The following TMEM237 variants were observed in gnomAD, a reference collection of about 807,000 sequenced individuals.
TMEM237 encodes transmembrane protein 237.
TMEM237 carries 51 observed loss-of-function variants against 59.1 expected under a neutral mutation model. The ratio of observed to expected loss-of-function variants is 0.86; its 90% CI spans 0.69 to 1.09. The LOEUF (loss-of-function observed/expected upper bound fraction) is 1.09, where lower values mean the gene tolerates loss of function less well. TMEM237 is among the 50% of genes least tolerant of loss of function. The pLI, the probability that TMEM237 is intolerant of heterozygous loss-of-function variation, is 0.00. For synonymous variants in TMEM237, 140 were observed against 166.1 expected (o/e 0.84, Z 1.21); for missense variants, 475 against 478.3 (o/e 0.99, Z 0.06).
intron 1 of TMEM237, among the ~76,000 whole-genome samples, chr2:201,641,166 A>ATT (rs1263153634): frequency 1.3e-5 from 2 of 151,990 alleles, no homozygotes; most frequent in Non-Finnish European, 2.9e-5. Context: ...TAATTTTTGT[A>ATT]TTTTTAGTAG....
rs1957703888 is a variant in TMEM237 at position 201,621,174 on chromosome 2, G to T, written c.*3081C>A. On this transcript the variant is annotated 3_prime_UTR_variant, in exon 13 of 13. Coordinates refer to ENST00000409883, the MANE Select transcript of TMEM237 (RefSeq NM_001044385.3). ...CACCAGACCTAACCTCCAGTCTATA[G>T]GAAATTCAGGAGATTGAGGAACAAA... 6.6e-6 allele frequency: 1 copy of T among 152,072 alleles called. No homozygotes were observed. The highest frequency in any genetic ancestry group is 1.5e-5 in the Non-Finnish European group (1 of 68,022). The allele number at this position is 152,072 out of a possible 1,614,324, so 9.4% of individuals were successfully genotyped here. A position where few individuals can be genotyped will look rare whatever the true frequency, so the allele number is the denominator to read the frequency against.
At chr2:201,636,533 C>A in intron 5 of TMEM237, 2 of 476,658 alleles carry the variant, frequency 4.2e-6, no homozygotes, top group Non-Finnish European at 7.2e-6. Context: ...TGTTGCCCTC[C>A]TCTCATAATC....
chr2:201,641,713 T>C (rs1247732884), intron 1 of TMEM237, among the ~76,000 whole-genome samples: 1 of 129,688 alleles, frequency 7.7e-6, no homozygotes, highest in Non-Finnish European at 1.7e-5. Context: ...TGTGCATATA[T>C]ATATATATAC....
At chr2:201,624,657 T>C (rs1251609223) in intron 12 of TMEM237, among the ~76,000 whole-genome samples, 3 of 152,150 alleles carry the variant, frequency 2.0e-5, no homozygotes, top group Admixed American at 6.5e-5. Flanking sequence ...TCTACAGTGA[T>C]CAGATCATCT....
At chr2:201,641,604 A>G (rs1003865986) in intron 1 of TMEM237, among the ~76,000 whole-genome samples, 1 of 151,326 alleles carries the variant, frequency 6.6e-6, no homozygotes, top group South Asian at 2.1e-4. Flanking sequence ...CAATGTTAAA[A>G]ATATATATAT....
intron 1 of TMEM237, chr2:201,642,805 C>A: frequency 3.6e-6 from 5 of 1,401,146 alleles, no homozygotes; most frequent in Non-Finnish European, 4.6e-6. Context: ...CTGGATTGGC[C>A]AGTCCAGACT....
At chr2:201,633,542 T>C in intron 5 of TMEM237, 111 bp from the exon 6 acceptor site, 2 of 798,176 alleles carry the variant, frequency 2.5e-6, no homozygotes, top group Non-Finnish European at 3.5e-6. Context: ...TGGGCAAAAA[T>C]GTTTTCACTA....
At position 201,642,639 on chromosome 2, in the gene TMEM237, C is replaced by G. The variant is rs575259401; in HGVS notation, c.42+720G>C. Reference sequence around the variant, plus strand: ...GATTCTTCCCCATTCTGCGTTTAGCCGGCCTCGGCGGCCGCCGGCCCCCAA... The same window carrying G: ...GATTCTTCCCCATTCTGCGTTTAGCGGGCCTCGGCGGCCGCCGGCCCCCAA... On this transcript the variant is annotated intron_variant, in intron 1 of 12. Transcript: ENST00000409883. 7 of 1,608,082 alleles carry G rather than the reference C, an allele frequency of 4.4e-6. No individual in the cohort carries two copies. The Admixed American group carries it at 8.5e-5, about 19-fold the overall frequency.
At chr2:201,625,957 A>T in intron 12 of TMEM237, 69 bp downstream of exon 12, 1 of 1,445,666 alleles carries the variant, frequency 6.9e-7, no homozygotes, top group Non-Finnish European at 9.4e-7. Context: ...TATACCTATT[A>T]AAAGGAGGTT....
Position 201,638,939 on chromosome 2 carries a change from G to C in TMEM237, c.136+50C>G, listed in dbSNP as rs1397659338. 5 of 1,520,890 alleles carry C rather than the reference G, an allele frequency of 3.3e-6. No homozygotes were observed. The Admixed American group carries it at 8.0e-5, about 24-fold the overall frequency. The allele number at this position is 1,520,890 out of a possible 1,614,324, so 94.2% of individuals were successfully genotyped here. A position where few individuals can be genotyped will look rare whatever the true frequency, so the allele number is the denominator to read the frequency against. ...CTTATCTGTGATGTTTACTACGCCTGAGGTCCTGGGAAAACTTGTGATCCC... is the reference window on the plus strand; with the variant it reads ...CTTATCTGTGATGTTTACTACGCCTCAGGTCCTGGGAAAACTTGTGATCCC... On this transcript the variant is annotated intron_variant, in intron 4 of 12. Coordinates refer to ENST00000409883, the MANE Select transcript of TMEM237 (RefSeq NM_001044385.3).
chr2:201,623,276 TCTC>T lies in TMEM237; in HGVS notation c.*976_*978del, dbSNP rs1438848348. On this transcript the variant is annotated 3_prime_UTR_variant, in exon 13 of 13. Transcript: ENST00000409883. Reference sequence around the variant, plus strand: ...AAACATTTTTTCCCATAGCTAGTCTTCTCCTCAACTTGAGCTTTAGGGTCTCAT... The same window carrying T: ...AAACATTTTTTCCCATAGCTAGTCTTCTCAACTTGAGCTTTAGGGTCTCAT... The T allele has an allele frequency of 4.8e-6, 2 of 413,808 alleles. No homozygotes were observed. Among genetic ancestry groups the T allele is most frequent in the Admixed American group, 2.5e-5 (1 of 39,986 alleles). 25.6% of individuals were successfully genotyped at this position (413,808 alleles called of 1,614,324 possible).
chr2:201,633,283 A>G (rs758611145), intron 6 of TMEM237, 28 bp downstream of exon 6: 5 of 1,582,212 alleles, frequency 3.2e-6, no homozygotes, highest in African/African-American at 2.7e-5. Flanking sequence ...ATCCTGGAGA[A>G]TAGTTAGAAG....
intron 5 of TMEM237, chr2:201,636,486 T>C (rs1243696658): frequency 5.9e-6 from 2 of 339,024 alleles, no homozygotes; most frequent in Non-Finnish European, 1.1e-5. Context: ...GATTTTTCTA[T>C]GCACTGAGAT....
intron 4 of TMEM237, among the ~76,000 whole-genome samples, chr2:201,637,231 C>T (rs1427422093): frequency 6.6e-6 from 1 of 152,124 alleles, no homozygotes; most frequent in African/African-American, 2.4e-5. Context: ...TCTTACTTGC[C>T]TCTTGCCTTA....
At chr2:201,628,828 T>C (rs1227524719) in intron 9 of TMEM237, among the ~76,000 whole-genome samples, 1 of 152,220 alleles carries the variant, frequency 6.6e-6, no homozygotes, top group African/African-American at 2.4e-5. Context: ...CACATCCTGA[T>C]TGCAGACTGC....
At chr2:201,627,780 A>G (rs1957771939) in intron 10 of TMEM237, among the ~76,000 whole-genome samples, 1 of 152,210 alleles carries the variant, frequency 6.6e-6, no homozygotes, top group Non-Finnish European at 1.5e-5. Flanking sequence ...TTGTTATTAA[A>G]AGGCCATACC....
chr2:201,631,906 T>A (rs1419996056), intron 7 of TMEM237, 145 bp downstream of exon 7: 1 of 794,762 alleles, frequency 1.3e-6, no homozygotes, highest in East Asian at 2.5e-5. Context: ...TTCACTCTCA[T>A]GAATCATAGC....
intron 4 of TMEM237, chr2:201,638,737 T>C (rs1230875385): frequency 5.9e-6 from 3 of 508,924 alleles, no homozygotes; most frequent in Non-Finnish European, 1.0e-5. Flanking sequence ...TCCAGGAATA[T>C]CATGGAAATA....
chr2:201,641,847 T>C (rs1308308109), intron 1 of TMEM237, among the ~76,000 whole-genome samples: 2 of 151,974 alleles, frequency 1.3e-5, no homozygotes, highest in East Asian at 1.9e-4. Context: ...CAAATGCAAA[T>C]ATTTTTAGGT....
Sources: allele counts gnomAD v4.1 joint callset (sites outside exome capture counted in the v4.1 genomes callset), GRCh38; gene constraint gnomAD v4.1.1; transcripts MANE v1.5; gene names NCBI Gene and HGNC (gene_info 2026-07-23, HGNC 2026-07-21).